The following KLF16 variants were observed in gnomAD, a reference collection of about 807,000 sequenced individuals.
KLF16 encodes the protein KLF transcription factor 16.
In KLF16, 6 loss-of-function variants were observed where a neutral mutation model predicts 6.1. The observed-to-expected ratio is 0.98, with a 90% CI of 0.54 to 1.93. The LOEUF is 1.93. Ranked by LOEUF, KLF16 falls within the 30% of genes most tolerant of loss-of-function variation. The pLI is 0.01. For synonymous variants in KLF16, 211 were observed against 176.5 expected, an observed-to-expected ratio of 1.20 and a Z score of -1.55; for missense variants, 355 against 363.8, an observed-to-expected ratio of 0.98 and a Z score of 0.20.
intron 1 of KLF16, among the ~76,000 whole-genome samples, chr19:1,861,135 C>G (rs2012055401): frequency 6.6e-6 from 1 of 152,134 alleles, no homozygotes; most frequent in Non-Finnish European, 1.5e-5. Flanking sequence ...GACTCCAAAC[C>G]CATCCCTCCC....
chr19:1,874,732 A>C, the KLF16 span: 1 of 134,252 alleles, frequency 7.4e-6, no homozygotes, highest in African/African-American at 2.9e-5. Flanking sequence ...TCAGCAATAA[A>C]TGTGTCAGAG....
chr19:1,871,968 C>G, the KLF16 span, among the ~76,000 whole-genome samples: 11 of 152,154 alleles, frequency 7.2e-5, no homozygotes, highest in Admixed American at 2.6e-4. Context: ...GCACCCCCAG[C>G]CCCTCCTCAG....
chr19:1,863,605 G>GAGA (rs1671834763), upstream of KLF16: 3 of 370,212 alleles, frequency 8.1e-6, no homozygotes, highest in East Asian at 5.0e-4. Context: ...GGAGGAGGAG[G>GAGA]AGGCCCGGCG....
intron 1 of KLF16, chr19:1,860,164 G>C (rs1667355023): frequency 6.6e-6 from 1 of 151,768 alleles, no homozygotes; most frequent in African/African-American, 2.4e-5. Flanking sequence ...GGAGAGCAGG[G>C]AGCCGACAGC....
chr19:1,863,023 G>C lies in KLF16; in HGVS notation c.457+18C>G. The C allele has an allele frequency of 7.7e-7, 1 of 1,302,554 alleles. No homozygotes were observed. The highest frequency in any genetic ancestry group is 1.7e-5 in the South Asian group (1 of 57,608). 80.7% of individuals were successfully genotyped at this position (1,302,554 alleles called of 1,614,324 possible). A position where few individuals can be genotyped will look rare whatever the true frequency, so the allele number is the denominator to read the frequency against. Reference sequence around the variant, plus strand: ...AGGCGGCCGCCCCCGCAAGGGCCGGGATCGCGGCTGCACTCACCTGTGTGC... The same window carrying C: ...AGGCGGCCGCCCCCGCAAGGGCCGGCATCGCGGCTGCACTCACCTGTGTGC... On this transcript the variant is annotated intron_variant, in intron 1 of 1. Coordinates refer to ENST00000250916, the MANE Select transcript of KLF16 (RefSeq NM_031918.4).
chr19:1,866,817 A>G (rs1479400992), upstream of KLF16, among the ~76,000 whole-genome samples: 1 of 151,090 alleles, frequency 6.6e-6, no homozygotes, highest in East Asian at 1.9e-4. Context: ...CCCATTCTAC[A>G]GATGAAAAAA....
chr19:1,868,475 T>G (rs1227542054), upstream of KLF16, among the ~76,000 whole-genome samples: 10 of 51,220 alleles, frequency 2.0e-4, no homozygotes, highest in African/African-American at 3.9e-4. Flanking sequence ...TTTTTTTTTT[T>G]TTTTTTTTTT....
chr19:1,856,956 G>GGGGGGGA lies in KLF16; in HGVS notation c.458-2197_458-2196insTCCCCCC, dbSNP rs1491161493. On this transcript the variant is annotated intron_variant, in intron 1 of 1. Coordinates refer to ENST00000250916, the MANE Select transcript of KLF16 (RefSeq NM_031918.4). ...GCAAGGAGGAGCAGGTTGCCGGGGT[G>GGGGGGGA]GGGGGGGCGACCGGGGCAGGGGCGC... 1.2e-4 allele frequency among the ~76,000 whole-genome samples: 7 copies of GGGGGGGA among 56,984 alleles called. 1 individual carries two copies. The East Asian group carries it at 2.9e-3, about 24-fold the overall frequency. 37.4% of individuals were successfully genotyped at this position (56,984 alleles called of 152,430 possible).
At chr19:1,864,198 T>A (rs1313093237), upstream of KLF16, among the ~76,000 whole-genome samples, 1 of 150,848 alleles carries the variant, frequency 6.6e-6, no homozygotes, top group Non-Finnish European at 1.5e-5. Context: ...CCGTTCGCGA[T>A]GGAGGAGGGC....
At position 1,863,253 on chromosome 19, in the gene KLF16, C is replaced by G. The variant is rs1181400012; in HGVS notation, c.245G>C (p.Ser82Thr). The G allele has an allele frequency of 5.8e-6, 6 of 1,040,710 alleles. No homozygotes were observed. The highest frequency in any genetic ancestry group is 1.4e-4 in the East Asian group (2 of 14,306). 64.5% of individuals were successfully genotyped at this position (1,040,710 alleles called of 1,614,324 possible). A position where few individuals can be genotyped will look rare whatever the true frequency, so the allele number is the denominator to read the frequency against. ...TCCGCCGCGCAGGTCGGCCAGGATG[C>G]TGGCGGCCAGCAGGTGGGGCGCCGC... ...AAAAPHLLAA[S>T]ILADLRGGPG... The change falls in exon 1 of 2, where the codon AGC becomes ACC. Residue 82 changes from serine (S) to threonine (T), a missense_variant. Transcript: ENST00000250916.
chr19:1,874,204 G>A, the KLF16 span, among the ~76,000 whole-genome samples: 1 of 152,118 alleles, frequency 6.6e-6, no homozygotes, highest in Admixed American at 6.5e-5. Flanking sequence ...GGGAGAACCA[G>A]ATAAACTTGC....
At chr19:1,859,719 A>C (rs2012024981) in intron 1 of KLF16, among the ~76,000 whole-genome samples, 1 of 151,888 alleles carries the variant, frequency 6.6e-6, no homozygotes, top group South Asian at 2.1e-4. Context: ...GCCCCCCGCC[A>C]CCACGGACAC....
rs1024251669 is a variant in KLF16 at position 1,854,698 on chromosome 19, G to A, written c.520C>T (p.Leu174=). 9 of 1,600,010 alleles carry A rather than the reference G, an allele frequency of 5.6e-6. No individual in the cohort carries two copies. The highest frequency in any genetic ancestry group is 1.7e-4 in the Middle Eastern group (1 of 6,056). ...GTGTGCGTCCGGTGGTGGCGGGCCA[G>A]CTCGTCGGAGCGGGCGAACTTCTTG... The part of the protein sequence containing the change: ...CDKKFARSDE[L]ARHHRTHTGE... Residue 174 remains leucine, a synonymous_variant, in exon 2 of 2, where the codon CTG becomes TTG. Coordinates refer to ENST00000250916, the MANE Select transcript of KLF16 (RefSeq NM_031918.4).
Position 1,863,137 on chromosome 19 carries a change from AGGGCGCGGCGCC to A in KLF16, c.349_360del (p.Gly117_Pro120del). On this transcript the variant is annotated inframe_deletion, in exon 1 of 2. Transcript: ENST00000250916. Reference sequence around the variant, plus strand: ...CAGCGGTGGCTCTTGGCGGCGGCGGAGGGCGCGGCGCCGGGGGCGCGGCCCGAGGACGGGGAC... The same window carrying A: ...CAGCGGTGGCTCTTGGCGGCGGCGGAGGGGGCGCGGCCCGAGGACGGGGAC... The A allele has an allele frequency of 7.5e-7, 1 of 1,332,694 alleles. No individual in the cohort carries two copies. 82.6% of individuals were successfully genotyped at this position (1,332,694 alleles called of 1,614,324 possible).
chr19:1,859,831 T>TG (rs970310485), intron 1 of KLF16, among the ~76,000 whole-genome samples: 2 of 151,968 alleles, frequency 1.3e-5, no homozygotes, highest in African/African-American at 4.8e-5. Flanking sequence ...TGCAGCCCCC[T>TG]GGGGGGCACC....
At chr19:1,858,496 G>A (rs1029140351) in intron 1 of KLF16, among the ~76,000 whole-genome samples, 1 of 152,188 alleles carries the variant, frequency 6.6e-6, no homozygotes, top group Non-Finnish European at 1.5e-5. Flanking sequence ...CAGAAGGCAG[G>A]CACTTCATTG....
upstream of KLF16, chr19:1,863,612 G>T: frequency 3.2e-6 from 1 of 311,172 alleles, no homozygotes; most frequent in Non-Finnish European, 4.5e-6. Context: ...GAGGAGGCCC[G>T]GCGCGCGCCG....
intron 1 of KLF16, among the ~76,000 whole-genome samples, chr19:1,859,386 C>T (rs2012017692): frequency 6.6e-6 from 1 of 152,098 alleles, no homozygotes; most frequent in African/African-American, 2.4e-5. Flanking sequence ...GACCAGCACG[C>T]CTCGATCCCT....
intron 1 of KLF16, among the ~76,000 whole-genome samples, chr19:1,858,306 T>C (rs1411516692): frequency 6.6e-6 from 1 of 152,218 alleles, no homozygotes; most frequent in Non-Finnish European, 1.5e-5. Context: ...AGTTCCGCCC[T>C]GGCCTAGGGT....
Sources: gnomAD v4.1 joint callset for allele counts (sites outside exome capture counted in the v4.1 genomes callset) on GRCh38, gnomAD v4.1.1 for gene constraint, MANE v1.5 for transcripts, NCBI Gene and HGNC (gene_info 2026-07-23, HGNC 2026-07-21) for gene names.